The following JAM3 variants were observed in gnomAD, a reference collection of about 807,000 sequenced individuals.
JAM3 encodes the protein junctional adhesion molecule C.
In JAM3, 31 loss-of-function variants were observed where a neutral mutation model predicts 39.4. That is an observed-to-expected ratio of 0.79 (90% confidence interval 0.59 to 1.06). The LOEUF is 1.06. JAM3 is among the 50% of genes least tolerant of loss of function. The probability of loss-of-function intolerance (pLI) is 0.00; values close to 1 mark genes in which losing one functional copy is unlikely to be tolerated. For missense variants in JAM3, 455 were observed against 391.4 expected (o/e 1.16, Z -1.37); for synonymous variants, 182 against 148.7 (o/e 1.22, Z -1.63).
At chr11:134,146,295 T>A (rs1943069734) in intron 6 of JAM3, among the ~76,000 whole-genome samples, 1 of 152,150 alleles carries the variant, frequency 6.6e-6, no homozygotes, top group Non-Finnish European at 1.5e-5. Context: ...GCCTTGCAAC[T>A]TTCACTGCAA....
intron 1 of JAM3, among the ~76,000 whole-genome samples, chr11:134,123,430 G>A (rs1204512618): frequency 6.6e-6 from 1 of 152,106 alleles, no homozygotes; most frequent in East Asian, 1.9e-4. Flanking sequence ...AGATCTATGT[G>A]CCAAGCATAA....
intron 1 of JAM3, among the ~76,000 whole-genome samples, chr11:134,113,725 G>C (rs1424021867): frequency 5.9e-5 from 9 of 152,196 alleles, no homozygotes; most frequent in African/African-American, 2.2e-4. Flanking sequence ...GGATGGCTGG[G>C]TCAAAAGGTA....
At chr11:134,109,059 C>G (rs1172541224) in intron 1 of JAM3, among the ~76,000 whole-genome samples, 1 of 152,142 alleles carries the variant, frequency 6.6e-6, no homozygotes, top group Admixed American at 6.5e-5. Context: ...CAGGTTCAAG[C>G]AATTCTCGTG....
At chr11:134,142,203 G>A (rs887435280) in intron 3 of JAM3, among the ~76,000 whole-genome samples, 2 of 152,192 alleles carry the variant, frequency 1.3e-5, no homozygotes, top group Non-Finnish European at 2.9e-5. Context: ...CAGGGATGGG[G>A]AGGCCGAGGG....
chr11:134,149,766 T>A lies in JAM3; in HGVS notation c.*585T>A, dbSNP rs1308032664. On this transcript the variant is annotated 3_prime_UTR_variant, in exon 9 of 9. Coordinates refer to ENST00000299106, the MANE Select transcript of JAM3 (RefSeq NM_032801.5). ...CAGCATTTTGTAAAAACAACCAAAA[T>A]CAGGAAGGTAAATTGGTTGCTGGAA... 1 of 435,106 alleles carries A rather than the reference T, an allele frequency of 2.3e-6. No homozygotes were observed. Among genetic ancestry groups the A allele is most frequent in the Non-Finnish European group, 4.7e-6 (1 of 213,820 alleles). The allele number at this position is 435,106 out of a possible 1,614,324, so 27.0% of individuals were successfully genotyped here. A position where few individuals can be genotyped will look rare whatever the true frequency, so the allele number is the denominator to read the frequency against.
chr11:134,129,629 A>C (rs1942726740), intron 1 of JAM3, among the ~76,000 whole-genome samples: 1 of 152,208 alleles, frequency 6.6e-6, no homozygotes, highest in Non-Finnish European at 1.5e-5. Context: ...ACTTATCTTC[A>C]GTTATTGGTG....
At position 134,069,175 on chromosome 11, in the gene JAM3, T is replaced by C; in HGVS notation, c.76+16T>C. ...CTTTTCAGGGGTGAGTTTGCGCGTT[T>C]CCGCTGTTGGGAGACTAGGGTCTGG... is the stretch of plus-strand genomic sequence containing the variant. On this transcript the variant is annotated intron_variant, in intron 1 of 8. Transcript: ENST00000299106. The C allele has an allele frequency of 1.2e-6, 2 of 1,612,000 alleles. No individual in the cohort carries two copies. The highest frequency in any genetic ancestry group is 1.7e-6 in the Non-Finnish European group (2 of 1,179,058).
intron 1 of JAM3, among the ~76,000 whole-genome samples, chr11:134,122,284 C>T (rs1942548466): frequency 6.6e-6 from 1 of 152,172 alleles, no homozygotes; most frequent in African/African-American, 2.4e-5. Flanking sequence ...CAGCAAATTC[C>T]AGCAAGATAA....
intron 1 of JAM3, among the ~76,000 whole-genome samples, chr11:134,135,406 A>G (rs1418489375): frequency 6.6e-6 from 1 of 152,206 alleles, no homozygotes; most frequent in African/African-American, 2.4e-5. Context: ...GGGACCCCAC[A>G]CTGTTTTGAT....
intron 1 of JAM3, 23 bp downstream of exon 1, chr11:134,069,182 T>C: frequency 6.2e-7 from 1 of 1,611,072 alleles, no homozygotes; most frequent in Non-Finnish European, 8.5e-7. Context: ...GTTTCCGCTG[T>C]TGGGAGACTA....
At chr11:134,107,110 A>G (rs1942206663) in intron 1 of JAM3, among the ~76,000 whole-genome samples, 1 of 152,250 alleles carries the variant, frequency 6.6e-6, no homozygotes, top group Non-Finnish European at 1.5e-5. Context: ...AGACTGGATT[A>G]AGAAAATGTG....
intron 1 of JAM3, chr11:134,126,559 T>C (rs919144457): frequency 6.6e-6 from 1 of 152,230 alleles, no homozygotes; most frequent in Admixed American, 6.5e-5. Flanking sequence ...GGTTACTTTT[T>C]ATACAGAAGT....
At chr11:134,069,409 G>T (rs1350417409) in intron 1 of JAM3, among the ~76,000 whole-genome samples, 1 of 152,146 alleles carries the variant, frequency 6.6e-6, no homozygotes, top group Non-Finnish European at 1.5e-5. Flanking sequence ...TTGGGATGGG[G>T]GGCCCGTCCC....
intron 1 of JAM3, among the ~76,000 whole-genome samples, chr11:134,138,654 C>T (rs1009352598): frequency 3.9e-5 from 6 of 152,212 alleles, no homozygotes; most frequent in Non-Finnish European, 8.8e-5. Context: ...TTCTGGCTCC[C>T]AGAGGGAGTA....
chr11:134,143,642 G>A (rs1057290077), intron 3 of JAM3, among the ~76,000 whole-genome samples: 11 of 152,298 alleles, frequency 7.2e-5, no homozygotes, highest in African/African-American at 2.4e-4. Context: ...CCATTGTGTG[G>A]ATTGTTTTCA....
At chr11:134,090,337 T>C (rs1941824707) in intron 1 of JAM3, among the ~76,000 whole-genome samples, 1 of 152,244 alleles carries the variant, frequency 6.6e-6, no homozygotes, top group South Asian at 2.1e-4. Flanking sequence ...ATTTTAGCTT[T>C]TGTTGCCATT....
chr11:134,144,603 G>T (rs957428213), intron 4 of JAM3, among the ~76,000 whole-genome samples, 189 bp from the exon 5 acceptor site: 1 of 152,192 alleles, frequency 6.6e-6, no homozygotes, highest in African/African-American at 2.4e-5. Flanking sequence ...AGCTAGAGGA[G>T]GCGCTTTAAC....
intron 1 of JAM3, among the ~76,000 whole-genome samples, chr11:134,115,537 A>G (rs1942411433): frequency 1.3e-5 from 2 of 152,110 alleles, no homozygotes; most frequent in African/African-American, 4.8e-5. Context: ...AGTAGTGGTT[A>G]GGTGTTTTGC....
At chr11:134,121,821 GCACACACACA>G (rs1555117431) in intron 1 of JAM3, among the ~76,000 whole-genome samples, 11 of 148,420 alleles carry the variant, frequency 7.4e-5, no homozygotes, top group African/African-American at 2.0e-4. Flanking sequence ...GCATGTGTGC[GCACACACACA>G]CACACACACA....
Sources: allele counts gnomAD v4.1 joint callset (sites outside exome capture counted in the v4.1 genomes callset), GRCh38; gene constraint gnomAD v4.1.1; transcripts MANE v1.5; gene names NCBI Gene and HGNC (gene_info 2026-07-23, HGNC 2026-07-21).